The following PHACTR2 variants were observed in gnomAD, a reference collection of about 807,000 sequenced individuals.
PHACTR2 encodes chromosome 6 open reading frame 56.
In PHACTR2, 30 loss-of-function variants were observed where a neutral mutation model predicts 76.0. The observed-to-expected ratio is 0.39, with a 90% CI of 0.30 to 0.54. The LOEUF is 0.54. PHACTR2 is among the 20% of genes least tolerant of loss of function. The probability of loss-of-function intolerance (pLI) is 0.61; values close to 1 mark genes in which losing one functional copy is unlikely to be tolerated. For missense variants in PHACTR2, 696 were observed against 781.1 expected, an observed-to-expected ratio of 0.89 and a Z score of 1.30; for synonymous variants, 292 against 292.5, an observed-to-expected ratio of 1.00 and a Z score of 0.02.
chr6:143,796,055 G>A (rs773864990), intron 11 of PHACTR2, among the ~76,000 whole-genome samples: 4 of 152,126 alleles, frequency 2.6e-5, no homozygotes, highest in Non-Finnish European at 4.4e-5. Flanking sequence ...ATTAGGTATC[G>A]TCCTAGATAC....
chr6:143,668,345 G>T (rs1473296768), intron 1 of PHACTR2, among the ~76,000 whole-genome samples: 2 of 151,930 alleles, frequency 1.3e-5, no homozygotes, highest in African/African-American at 4.8e-5. Context: ...CTTTTTTTGT[G>T]GTGTCTCTGC....
At chr6:143,590,815 G>A (rs903381260) in intron 1 of PHACTR2, among the ~76,000 whole-genome samples, 2 of 152,068 alleles carry the variant, frequency 1.3e-5, no homozygotes, top group Non-Finnish European at 2.9e-5. Context: ...CCCTTGAAGG[G>A]TCTATTATGA....
intron 1 of PHACTR2, among the ~76,000 whole-genome samples, chr6:143,630,012 T>C (rs1776334283): frequency 6.6e-6 from 1 of 151,998 alleles, no homozygotes; most frequent in Non-Finnish European, 1.5e-5. Context: ...TTCATCTTCT[T>C]GTGGTTCACA....
chr6:143,608,843 C>T lies in PHACTR2; in HGVS notation c.13+521C>T, dbSNP rs1366346334. ...ATTTCAGAATAGAGACATTAGTGGT[C>T]AATTGTGAACCTTTAAAAATGTACT... On this transcript the variant is annotated intron_variant, in intron 1 of 11. Coordinates refer to the PHACTR2 transcript ENST00000305766. The surrounding 1 kb of genome is among the most constrained non-coding windows in gnomAD (Gnocchi z 4.6). Among the ~76,000 whole-genome samples the T allele has an allele frequency of 2.0e-5, 3 of 152,082 alleles. No individual in the cohort carries two copies. Among genetic ancestry groups the T allele is most frequent in the Non-Finnish European group, 4.4e-5 (3 of 68,016 alleles).
At chr6:143,645,283 A>AATAT (rs35295522) in intron 1 of PHACTR2, among the ~76,000 whole-genome samples, 238 of 150,276 alleles carry the variant, frequency 1.6e-3, no homozygotes, top group Non-Finnish European at 2.9e-3. Context: ...AAGAAACTGT[A>AATAT]ATATATATAT....
chr6:143,607,863 G>T (rs554758656), upstream of PHACTR2, among the ~76,000 whole-genome samples: 6 of 152,308 alleles, frequency 3.9e-5, no homozygotes, highest in South Asian at 8.3e-4. Flanking sequence ...CCCAAGGAAA[G>T]GATAATGTAT....
At position 143,553,241 on chromosome 6, in the gene PHACTR2, G is replaced by A. The variant is rs2128427673; in HGVS notation, c.217+16034G>A. Among the ~76,000 whole-genome samples the A allele has an allele frequency of 6.6e-6, 1 of 152,358 alleles. No individual in the cohort carries two copies. Among genetic ancestry groups the A allele is most frequent in the African/African-American group, 2.4e-5 (1 of 41,576 alleles). ...GTCAAAGATAAAGCTGGAAACTAAA[G>A]TGGCAAGGAGAGATTTTAATGAGTG... is the stretch of plus-strand genomic sequence containing the variant. On this transcript the variant is annotated intron_variant, in intron 1 of 11. Transcript: ENST00000367584. The surrounding 1 kb of genome is among the most constrained non-coding windows in gnomAD (Gnocchi z 4.2).
At chr6:143,729,393 G>T (rs72994479) in intron 2 of PHACTR2, among the ~76,000 whole-genome samples, 1 of 152,056 alleles carries the variant, frequency 6.6e-6, no homozygotes, top group Non-Finnish European at 1.5e-5. Context: ...CATGCTTTTG[G>T]TCTCCTGTCA....
At chr6:143,667,577 A>T (rs187722363) in intron 1 of PHACTR2, among the ~76,000 whole-genome samples, 1 of 152,226 alleles carries the variant, frequency 6.6e-6, no homozygotes, top group Admixed American at 6.5e-5. Context: ...GTTCTCCTTG[A>T]AGAGGTCCTT....
chr6:143,810,202 A>G (rs1410773972), intron 12 of PHACTR2, among the ~76,000 whole-genome samples: 3 of 152,226 alleles, frequency 2.0e-5, no homozygotes, highest in Non-Finnish European at 4.4e-5. Flanking sequence ...TTATTGAACA[A>G]TTACACTATT....
rs1401529961 is a variant in PHACTR2 at position 143,830,380 on chromosome 6, A to G, written c.*6691A>G. On this transcript the variant is annotated 3_prime_UTR_variant, in exon 13 of 13. Coordinates refer to ENST00000440869, the MANE Select transcript of PHACTR2 (RefSeq NM_001100164.2). ...CTTCAGTTAAAGTGATAACAATGGT[A>G]AACTGTGATCATTATCAGACTGACT... The G allele has an allele frequency of 6.6e-6, 1 of 151,794 alleles. No homozygotes were observed. The highest frequency in any genetic ancestry group is 1.5e-5 in the Non-Finnish European group (1 of 67,960). The allele number at this position is 151,794 out of a possible 1,614,324, so 9.4% of individuals were successfully genotyped here. A position where few individuals can be genotyped will look rare whatever the true frequency, so the allele number is the denominator to read the frequency against.
At chr6:143,814,882 G>A (rs1388072267) in intron 12 of PHACTR2, among the ~76,000 whole-genome samples, 2 of 152,112 alleles carry the variant, frequency 1.3e-5, no homozygotes, top group Non-Finnish European at 1.5e-5. Flanking sequence ...GATTACAGGC[G>A]TGAGCCACCG....
chr6:143,573,731 A>T (rs759685553), intron 1 of PHACTR2, among the ~76,000 whole-genome samples: 3 of 152,048 alleles, frequency 2.0e-5, no homozygotes, highest in Non-Finnish European at 4.4e-5. Context: ...TCTTCAACTA[A>T]ATTATGATGT....
chr6:143,644,528 A>C (rs1776624385), intron 1 of PHACTR2, among the ~76,000 whole-genome samples: 1 of 151,306 alleles, frequency 6.6e-6, no homozygotes, highest in African/African-American at 2.4e-5. Flanking sequence ...GTTAGACTCA[A>C]ATGACTCTTA....
At position 143,733,240 on chromosome 6, in the gene PHACTR2, G is replaced by A. The variant is rs1032534530; in HGVS notation, c.215-15745G>A. 7.9e-5 allele frequency among the ~76,000 whole-genome samples: 12 copies of A among 151,976 alleles called. No individual in the cohort carries two copies. Among genetic ancestry groups the A allele is most frequent in the African/African-American group, 2.7e-4 (11 of 41,454 alleles). ...TACCTTACTTTTTTCATTTTCCATA[G>A]CACATTTTACCGTCTAACATCTATA... On this transcript the variant is annotated intron_variant, in intron 2 of 12. Coordinates refer to ENST00000440869, the MANE Select transcript of PHACTR2 (RefSeq NM_001100164.2). The surrounding 1 kb of genome is among the most constrained non-coding windows in gnomAD (Gnocchi z 4.0).
Position 143,639,270 on chromosome 6 carries a change from A to G in PHACTR2, c.13+30948A>G, listed in dbSNP as rs1342667470. On this transcript the variant is annotated intron_variant, in intron 1 of 11. Transcript: ENST00000305766. This position sits in a 1 kb window ranked among gnomAD's most constrained non-coding sequence, Gnocchi z 5.0. ...CCAAAACAAATTAATGGTAAGATAT[A>G]CCTATAGCAATGTAATGTTGTAAAA... Among the ~76,000 whole-genome samples the G allele has an allele frequency of 6.6e-6, 1 of 152,246 alleles. No individual in the cohort carries two copies. The highest frequency in any genetic ancestry group is 6.5e-5 in the Admixed American group (1 of 15,282).
chr6:143,683,196 T>C lies in PHACTR2; in HGVS notation c.46+4987T>C, dbSNP rs527498993. 7.9e-5 allele frequency among the ~76,000 whole-genome samples: 12 copies of C among 152,326 alleles called. No individual in the cohort carries two copies. The highest frequency in any genetic ancestry group is 6.2e-4 in the South Asian group (3 of 4,832). On this transcript the variant is annotated intron_variant, in intron 1 of 12. Coordinates refer to ENST00000440869, the MANE Select transcript of PHACTR2 (RefSeq NM_001100164.2). This position sits in a 1 kb window ranked among gnomAD's most constrained non-coding sequence, Gnocchi z 4.1. ...CCTCTGGCATCATGCCCTAGGAGGA[T>C]TGAGACTTCTAGTATTTCATTGTGA...
rs1040072159 is a variant in PHACTR2, at chr6:143,830,667, A to C, written c.*6978A>C. On this transcript the variant is annotated 3_prime_UTR_variant, in exon 13 of 13. Coordinates refer to ENST00000440869, the MANE Select transcript of PHACTR2 (RefSeq NM_001100164.2). The stretch of plus-strand genomic sequence containing the variant: ...CGTACTGGTATTTGTGTTATTTAAA[A>C]AGCAAAATTCTGCTCTATTTAGTTG... 8 of 152,216 alleles carry C rather than the reference A, an allele frequency of 5.3e-5. No homozygotes were observed. Among genetic ancestry groups the C allele is most frequent in the Non-Finnish European group, 1.2e-4 (8 of 68,020 alleles). The allele number at this position is 152,216 out of a possible 1,614,324, so 9.4% of individuals were successfully genotyped here.
intron 2 of PHACTR2, among the ~76,000 whole-genome samples, chr6:143,746,577 T>A (rs1779071536): frequency 6.6e-6 from 1 of 152,088 alleles, no homozygotes; most frequent in South Asian, 2.1e-4. Flanking sequence ...AAGACAACTG[T>A]TGGAGGAGGT....
Sources: gnomAD v4.1 joint callset for allele counts (sites outside exome capture counted in the v4.1 genomes callset) on GRCh38, gnomAD v4.1.1 for gene constraint, Gnocchi (gnomAD v3.1) non-coding constraint, MANE v1.5 for transcripts, NCBI Gene and HGNC (gene_info 2026-07-23, HGNC 2026-07-21) for gene names.